Variants in CCDC178 observed in about 807,000 individuals in gnomAD.
CCDC178 encodes the protein coiled-coil domain-containing protein 178.
A neutral mutation model predicts 117.4 loss-of-function variants in CCDC178; 126 were observed. The observed-to-expected ratio is 1.07, with a 90% CI of 0.93 to 1.24. The LOEUF (loss-of-function observed/expected upper bound fraction) is 1.24, where lower values mean the gene tolerates loss of function less well. Among genes scored for constraint, CCDC178 ranks in the 50% most tolerant of loss-of-function variants. The pLI is 0.00. For missense variants in CCDC178, 1,030 were observed against 986.9 expected (o/e 1.04, Z -0.59); for synonymous variants, 283 against 313.4 (o/e 0.90, Z 1.02).
At chr18:33,009,054 C>T (rs2055807896) in intron 21 of CCDC178, among the ~76,000 whole-genome samples, 1 of 152,032 alleles carries the variant, frequency 6.6e-6, no homozygotes, top group Non-Finnish European at 1.5e-5. Flanking sequence ...TATCATTCTT[C>T]ACTCCTCTAT....
At chr18:33,076,377 G>A (rs977153923) in intron 21 of CCDC178, among the ~76,000 whole-genome samples, 2 of 152,204 alleles carry the variant, frequency 1.3e-5, no homozygotes, top group Non-Finnish European at 2.9e-5. Flanking sequence ...CAATGTGGTA[G>A]TCCTTACTTC....
chr18:33,174,173 G>A (rs537383920), intron 20 of CCDC178, among the ~76,000 whole-genome samples: 2 of 152,154 alleles, frequency 1.3e-5, no homozygotes, highest in African/African-American at 4.8e-5. Flanking sequence ...GCAACAGAGA[G>A]AGAGTCGGCA....
At chr18:33,418,568 A>G (rs999284163) in intron 2 of CCDC178, among the ~76,000 whole-genome samples, 28 of 149,206 alleles carry the variant, frequency 1.9e-4, no homozygotes, top group African/African-American at 6.7e-4. Context: ...CAGACAATAC[A>G]TTTCTATATC....
intron 8 of CCDC178, 23 bp from the exon 9 acceptor site, chr18:33,346,434 C>T (rs1218158035): frequency 3.3e-6 from 5 of 1,520,622 alleles, no homozygotes; most frequent in Admixed American, 1.7e-5. Flanking sequence ...TAAATATTCA[C>T]ATTTGTTAAT....
intron 5 of CCDC178, 98 bp from the exon 6 acceptor site, chr18:33,370,287 T>C: frequency 3.0e-6 from 2 of 661,768 alleles, no homozygotes; most frequent in Non-Finnish European, 4.7e-6. Context: ...TTAGTGCTAA[T>C]ACTCTTAGTT....
In CCDC178 at chr18:33,232,733, T is replaced by C. The variant is rs138471324; in HGVS notation, c.1594-5878A>G. Among the ~76,000 whole-genome samples, 9 of 152,294 alleles carry C rather than the reference T, an allele frequency of 5.9e-5. No homozygotes were observed. The East Asian group carries it at 1.2e-3, about 20-fold the overall frequency. Reference sequence around the variant, plus strand: ...AAATATTTTAAATTACAAAAAGAAATAATACAAATATTCAAATCCACAGAT... The same window carrying C: ...AAATATTTTAAATTACAAAAAGAAACAATACAAATATTCAAATCCACAGAT... On this transcript the variant is annotated intron_variant, in intron 15 of 22. Coordinates refer to ENST00000383096, the MANE Select transcript of CCDC178 (RefSeq NM_001105528.4).
intron 12 of CCDC178, among the ~76,000 whole-genome samples, chr18:33,270,594 C>G (rs542433737): frequency 6.6e-6 from 1 of 151,470 alleles, no homozygotes; most frequent in Non-Finnish European, 1.5e-5. Context: ...CTAGCATATA[C>G]AAAATACAGA....
intron 11 of CCDC178, among the ~76,000 whole-genome samples, chr18:33,304,236 G>A (rs1280789922): frequency 5.9e-5 from 9 of 152,108 alleles, no homozygotes; most frequent in Admixed American, 1.3e-4. Context: ...TACCATGACT[G>A]GCAAGGACCT....
chr18:33,396,997 A>T (rs2063646513), intron 4 of CCDC178, 152 bp downstream of exon 4: 6 of 569,682 alleles, frequency 1.1e-5, no homozygotes, highest in Admixed American at 3.5e-5. Flanking sequence ...GTATTTTTTT[A>T]AAGAAGCGTT....
At chr18:33,110,536 T>C (rs1285642999) in intron 20 of CCDC178, among the ~76,000 whole-genome samples, 1 of 151,646 alleles carries the variant, frequency 6.6e-6, no homozygotes, top group Non-Finnish European at 1.5e-5. Context: ...TTAACATTTA[T>C]ATCTGTAAAC....
chr18:33,043,022 C>T (rs1017609236), intron 21 of CCDC178, among the ~76,000 whole-genome samples: 3 of 151,630 alleles, frequency 2.0e-5, no homozygotes, highest in Non-Finnish European at 2.9e-5. Context: ...AAAAGAAAAT[C>T]GAAAGTAAAG....
At chr18:33,156,028 G>A (rs1370964203) in intron 20 of CCDC178, among the ~76,000 whole-genome samples, 2 of 146,562 alleles carry the variant, frequency 1.4e-5, no homozygotes, top group African/African-American at 5.0e-5. Context: ...GGTTACTGTA[G>A]TTATCTTTGA....
At chr18:33,050,887 T>G (rs1429611381) in intron 21 of CCDC178, among the ~76,000 whole-genome samples, 1 of 152,128 alleles carries the variant, frequency 6.6e-6, no homozygotes, top group Non-Finnish European at 1.5e-5. Flanking sequence ...ATTTCAGTAG[T>G]TTGGCTTTGA....
intron 12 of CCDC178, among the ~76,000 whole-genome samples, chr18:33,283,509 T>G (rs1277994878): frequency 6.6e-6 from 1 of 151,982 alleles, no homozygotes; most frequent in Non-Finnish European, 1.5e-5. Flanking sequence ...TTTTTGCAAA[T>G]TATGCAGCTA....
chr18:33,312,665 T>C (rs2144958797), intron 11 of CCDC178, among the ~76,000 whole-genome samples: 1 of 152,300 alleles, frequency 6.6e-6, no homozygotes, highest in Non-Finnish European at 1.5e-5. Flanking sequence ...AAACTCTTTT[T>C]AAAAGAAACA....
rs146768099 is a variant in CCDC178, at chr18:33,167,604, C to T, written c.2238+44292G>A. On this transcript the variant is annotated intron_variant, in intron 20 of 22. Transcript: ENST00000383096. ...TTCAGCTGGATGCAGTGGCTCACAC[C>T]TCTAATCCTAGCACTTTGGGAGGTC... 2.9e-3 allele frequency among the ~76,000 whole-genome samples: 438 copies of T among 152,128 alleles called. 2 individuals carry two copies. Among genetic ancestry groups the T allele is most frequent in the Non-Finnish European group, 4.9e-3 (334 of 67,986 alleles).
intron 5 of CCDC178, among the ~76,000 whole-genome samples, chr18:33,386,889 T>C (rs1312771295): frequency 2.0e-5 from 3 of 151,916 alleles, no homozygotes; most frequent in Non-Finnish European, 2.9e-5. Context: ...AGGGAAAAAA[T>C]AAAGGGTATT....
chr18:33,243,955 G>A (rs997882291), intron 15 of CCDC178, among the ~76,000 whole-genome samples: 1 of 151,442 alleles, frequency 6.6e-6, no homozygotes, highest in Non-Finnish European at 1.5e-5. Context: ...TTATTGTATT[G>A]CTAAACCACA....
chr18:33,138,435 C>T lies in CCDC178; in HGVS notation c.2239-45525G>A, dbSNP rs1042168378. ...AGTAGGCCTCACTTCCCAGTCTTTT[C>T]GTCAGTGCCGCCTCCATACAACAGT... On this transcript the variant is annotated intron_variant, in intron 20 of 22. Coordinates refer to ENST00000383096, the MANE Select transcript of CCDC178 (RefSeq NM_001105528.4). 2.6e-5 allele frequency among the ~76,000 whole-genome samples: 4 copies of T among 152,104 alleles called. No individual in the cohort carries two copies. In the South Asian group the frequency reaches 8.3e-4, roughly 31 times the overall value.
Sources: allele counts gnomAD v4.1 joint callset (sites outside exome capture counted in the v4.1 genomes callset), GRCh38; gene constraint gnomAD v4.1.1; transcripts MANE v1.5; gene names NCBI Gene and HGNC (gene_info 2026-07-23, HGNC 2026-07-21).